The following SLC1A2 variants were observed in gnomAD, a reference collection of about 807,000 sequenced individuals.
SLC1A2 encodes excitatory amino acid transporter 2.
In SLC1A2, 15 loss-of-function variants were observed where a neutral mutation model predicts 48.8. That is an observed-to-expected ratio of 0.31 (90% confidence interval 0.21 to 0.47). SLC1A2 has a LOEUF of 0.47. SLC1A2 is among the 20% of genes least tolerant of loss of function. SLC1A2 has a pLI of 0.99. For synonymous variants in SLC1A2, 279 were observed against 272.6 expected (o/e 1.02, Z -0.23); for missense variants, 502 against 730.5 (o/e 0.69, Z 3.61).
chr11:35,262,059 T>A (rs1434455195), intron 10 of SLC1A2, among the ~76,000 whole-genome samples: 1 of 152,110 alleles, frequency 6.6e-6, no homozygotes, highest in Non-Finnish European at 1.5e-5. Context: ...CAGGCAAGAG[T>A]TTGAATACAC....
intron 1 of SLC1A2, among the ~76,000 whole-genome samples, chr11:35,326,449 G>T (rs1396043584): frequency 6.6e-6 from 1 of 152,208 alleles, no homozygotes; most frequent in Non-Finnish European, 1.5e-5. Flanking sequence ...GGAGTGACTG[G>T]GATGTTGACT....
chr11:35,323,489 A>T (rs1852143068), intron 1 of SLC1A2, among the ~76,000 whole-genome samples: 1 of 152,208 alleles, frequency 6.6e-6, no homozygotes, highest in Admixed American at 6.5e-5. Flanking sequence ...CCATTCTCTT[A>T]ATCTATAAAA....
intron 9 of SLC1A2, among the ~76,000 whole-genome samples, chr11:35,278,575 T>C (rs10836362): frequency 0.32 from 49,267 of 152,048 alleles, 9,155 homozygotes; most frequent in South Asian, 0.53. Flanking sequence ...ACCTAAGCCC[T>C]GTTGTCTGCA....
At chr11:35,376,989 C>T (rs1474254340) in intron 1 of SLC1A2, among the ~76,000 whole-genome samples, 1 of 152,238 alleles carries the variant, frequency 6.6e-6, no homozygotes, top group African/African-American at 2.4e-5. Context: ...ACTATAACCA[C>T]TGAGGAATGA....
Position 35,338,840 on chromosome 11 carries a change from A to T in SLC1A2, c.18-21324T>A, listed in dbSNP as rs75302317. 7.1e-3 allele frequency among the ~76,000 whole-genome samples: 1,080 copies of T among 152,298 alleles called. 4 individuals are homozygous for T. Among genetic ancestry groups the T allele is most frequent in the Non-Finnish European group, 0.012 (817 of 68,024 alleles). On this transcript the variant is annotated intron_variant, in intron 1 of 10. Coordinates refer to ENST00000278379, the MANE Select transcript of SLC1A2 (RefSeq NM_004171.4). ...CCTTTGAAATAGACACAATTACTTT[A>T]CCCACTAAGATACACCTGATCAAGA...
chr11:35,312,297 C>A lies in SLC1A2; in HGVS notation c.462G>T (p.Gly154=). The change falls in exon 4 of 11, where the codon GGG becomes GGT. Residue 154 remains glycine, a synonymous_variant. Coordinates refer to ENST00000278379, the MANE Select transcript of SLC1A2 (RefSeq NM_004171.4). ...PGNPKLKKQL[G]PGKKNDEVSS... ...ACACTTCATCATTCTTCTTCCCAGGCCCCAGCTGCTTCTTGAGCTTGGGAT... is the reference window on the plus strand; with the variant it reads ...ACACTTCATCATTCTTCTTCCCAGGACCCAGCTGCTTCTTGAGCTTGGGAT... 1 of 1,614,106 alleles carries A rather than the reference C, an allele frequency of 6.2e-7. No individual in the cohort carries two copies. The highest frequency in any genetic ancestry group is 8.5e-7 in the Non-Finnish European group (1 of 1,179,986).
intron 1 of SLC1A2, among the ~76,000 whole-genome samples, chr11:35,373,765 A>T: frequency 6.6e-6 from 1 of 152,236 alleles, no homozygotes; most frequent in East Asian, 1.9e-4. Flanking sequence ...CACTGGGTCA[A>T]TGATTAACAC....
At chr11:35,314,369 C>T (rs977149573) in intron 3 of SLC1A2, among the ~76,000 whole-genome samples, 1 of 152,102 alleles carries the variant, frequency 6.6e-6, no homozygotes, top group African/African-American at 2.4e-5. Flanking sequence ...CCATCTATTA[C>T]CTTTATCAGT....
chr11:35,289,051 A>G (rs573649651), intron 7 of SLC1A2, among the ~76,000 whole-genome samples: 10 of 152,194 alleles, frequency 6.6e-5, no homozygotes, highest in Middle Eastern at 3.2e-3. Flanking sequence ...CAGCCTTCAA[A>G]TGTTGCTAAT....
rs1414576568 is a variant in SLC1A2 at position 35,301,526 on chromosome 11, T to G, written c.850A>C (p.Ile284Leu). 6.2e-7 allele frequency: 1 copy of G among 1,613,674 alleles called. No homozygotes were observed. The highest frequency in any genetic ancestry group is 8.5e-7 in the Non-Finnish European group (1 of 1,179,698). Residue 284 changes from isoleucine to leucine, a missense_variant, in exon 6 of 11, where the codon ATC becomes CTC. Coordinates refer to ENST00000278379, the MANE Select transcript of SLC1A2 (RefSeq NM_004171.4). ...AAGAACAAGGCCACTTACCACATGA[T>G]CATGATCACTAACTTCATTACAATC... ...NEIVMKLVIM[I>L]MWYSPLGIAC...
chr11:35,399,564 G>A, intron 1 of SLC1A2: 1 of 976,432 alleles, frequency 1.0e-6, no homozygotes. Flanking sequence ...TTACGAACAT[G>A]AGAATCAAAC....
chr11:35,266,812 C>T (rs1013485090), intron 9 of SLC1A2, among the ~76,000 whole-genome samples: 10 of 152,152 alleles, frequency 6.6e-5, no homozygotes, highest in East Asian at 3.8e-4. Flanking sequence ...CCAGGCAAAG[C>T]GGAAACTTTA....
At chr11:35,407,762 A>C in intron 1 of SLC1A2, among the ~76,000 whole-genome samples, 1 of 151,322 alleles carries the variant, frequency 6.6e-6, no homozygotes, top group African/African-American at 2.4e-5. Context: ...CTCACTCTTG[A>C]CTCCCTTCCT....
intron 9 of SLC1A2, among the ~76,000 whole-genome samples, chr11:35,265,988 C>T (rs1033263492): frequency 1.3e-5 from 2 of 152,046 alleles, no homozygotes; most frequent in Admixed American, 6.5e-5. Context: ...AGTGAGATAA[C>T]GTATGTAAAG....
chr11:35,402,251 T>G (rs1012953277), intron 1 of SLC1A2, among the ~76,000 whole-genome samples: 4 of 152,174 alleles, frequency 2.6e-5, no homozygotes, highest in Non-Finnish European at 1.5e-5. Flanking sequence ...GAACTTTCAG[T>G]GCCACCCACC....
chr11:35,267,995 C>T (rs1177905277), intron 9 of SLC1A2, among the ~76,000 whole-genome samples: 1 of 152,212 alleles, frequency 6.6e-6, no homozygotes, highest in Admixed American at 6.5e-5. Flanking sequence ...AGTGACCAGA[C>T]TCTCCCTCTT....
chr11:35,300,512 A>T (rs1485124923), intron 6 of SLC1A2, among the ~76,000 whole-genome samples: 1 of 152,120 alleles, frequency 6.6e-6, no homozygotes, highest in African/African-American at 2.4e-5. Flanking sequence ...TTCCCTTTCT[A>T]CCATGTGAGA....
At chr11:35,359,266 G>A (rs1853594285) in intron 1 of SLC1A2, among the ~76,000 whole-genome samples, 1 of 152,214 alleles carries the variant, frequency 6.6e-6, no homozygotes, top group Non-Finnish European at 1.5e-5. Context: ...GAAAGAACAT[G>A]AGGCTGAAAG....
rs1565190835 is a variant in SLC1A2, at chr11:35,254,649, C to T, written c.*6245G>A. On this transcript the variant is annotated 3_prime_UTR_variant, in exon 11 of 11. Transcript: ENST00000278379. ...ATCTCCAGTGAGGATGATGACAAGG[C>T]TAACAGTCAGTTGTCAGGTTTCAAC... The T allele has an allele frequency of 2.6e-6, 1 of 380,116 alleles. No homozygotes were observed. Among genetic ancestry groups the T allele is most frequent in the Non-Finnish European group, 5.1e-6 (1 of 194,360 alleles). The allele number at this position is 380,116 out of a possible 1,614,324, so 23.5% of individuals were successfully genotyped here.
Sources: gnomAD v4.1 joint callset for allele counts (sites outside exome capture counted in the v4.1 genomes callset) on GRCh38, gnomAD v4.1.1 for gene constraint, MANE v1.5 for transcripts, NCBI Gene and HGNC (gene_info 2026-07-23, HGNC 2026-07-21) for gene names.